The following MTUS2 variants were observed in gnomAD, a reference collection of about 807,000 sequenced individuals.
MTUS2 encodes microtubule-associated tumor suppressor candidate 2.
MTUS2 carries 40 observed loss-of-function variants against 114.1 expected under a neutral mutation model. The observed-to-expected ratio is 0.35, with a 90% confidence interval of 0.27 to 0.46. The LOEUF is 0.46. MTUS2 is among the 20% of genes least tolerant of loss of function. The pLI is 1.00. For missense variants in MTUS2, 1,679 were observed against 1,705.4 expected, an observed-to-expected ratio of 0.98 and a Z score of 0.27; for synonymous variants, 688 against 672.0, an observed-to-expected ratio of 1.02 and a Z score of -0.37.
chr13:29,142,005 A>G (rs762232171), intron 5 of MTUS2, among the ~76,000 whole-genome samples: 1 of 151,700 alleles, frequency 6.6e-6, no homozygotes, highest in African/African-American at 2.4e-5. Flanking sequence ...GACTACAGGC[A>G]CCCACCACCA....
intron 2 of MTUS2, among the ~76,000 whole-genome samples, chr13:28,880,056 T>G (rs752533320): frequency 6.6e-6 from 1 of 152,226 alleles, no homozygotes; most frequent in Admixed American, 6.5e-5. Context: ...ACCATTTCAT[T>G]ACGTATCTTG....
chr13:29,156,612 C>T (rs959537535), intron 5 of MTUS2, among the ~76,000 whole-genome samples: 3 of 152,098 alleles, frequency 2.0e-5, no homozygotes, highest in Admixed American at 6.6e-5. Context: ...GAGCTTCTTT[C>T]GTCAAATTGT....
At chr13:28,927,491 A>G (rs755939832) in intron 2 of MTUS2, among the ~76,000 whole-genome samples, 24 of 152,198 alleles carry the variant, frequency 1.6e-4, no homozygotes, top group Non-Finnish European at 3.4e-4. Flanking sequence ...TCTTGAGTCC[A>G]GGAGTTGGAG....
At chr13:28,948,418 A>C (rs1035141904) in intron 2 of MTUS2, among the ~76,000 whole-genome samples, 7 of 152,180 alleles carry the variant, frequency 4.6e-5, no homozygotes, top group Admixed American at 2.6e-4. Context: ...ATAATCCTTT[A>C]GGGCTGCTAA....
chr13:29,070,057 G>A (rs1486908876), intron 4 of MTUS2, among the ~76,000 whole-genome samples: 4 of 152,188 alleles, frequency 2.6e-5, no homozygotes, highest in African/African-American at 9.7e-5. Context: ...GGACAGTACT[G>A]AGTGATTTGG....
intron 7 of MTUS2, among the ~76,000 whole-genome samples, chr13:29,348,744 A>G (rs1172280697): frequency 2.0e-5 from 3 of 152,224 alleles, no homozygotes; most frequent in Admixed American, 2.0e-4. Flanking sequence ...TCTGTAAGGT[A>G]TATAAAGTTT....
chr13:28,868,981 G>A (rs1877463586), intron 2 of MTUS2, among the ~76,000 whole-genome samples: 1 of 152,078 alleles, frequency 6.6e-6, no homozygotes, highest in Admixed American at 6.5e-5. Context: ...TTTACTCTTA[G>A]GTGCAAGCAC....
intron 5 of MTUS2, among the ~76,000 whole-genome samples, chr13:29,257,003 C>T (rs1018766567): frequency 2.6e-5 from 4 of 152,320 alleles, no homozygotes; most frequent in Middle Eastern, 3.4e-3. Context: ...AGGTGGACCT[C>T]GGTATTCTTT....
At chr13:28,938,795 C>T (rs573575673) in intron 2 of MTUS2, among the ~76,000 whole-genome samples, 9 of 152,202 alleles carry the variant, frequency 5.9e-5, no homozygotes, top group African/African-American at 1.2e-4. Context: ...TTAAGTGCTT[C>T]GGGCGTACTG....
chr13:29,264,824 G>T (rs34121185), intron 5 of MTUS2, among the ~76,000 whole-genome samples: 3 of 152,194 alleles, frequency 2.0e-5, no homozygotes, highest in Non-Finnish European at 4.4e-5. Flanking sequence ...CATTCTTCCC[G>T]CCTAGGCCTC....
rs146415431 is a variant in MTUS2, at chr13:29,350,902, T to G, written c.2906-8360T>G. 6.4e-3 allele frequency among the ~76,000 whole-genome samples: 955 copies of G among 149,884 alleles called. 10 individuals are homozygous for G. The highest frequency in any genetic ancestry group is 0.023 in the African/African-American group (918 of 40,724). ...GCCCCACTCTTGGGACCTAATCACTTCCCAAAGGCCCCACTTACAGATGTC... is the reference window on the plus strand; with the variant it reads ...GCCCCACTCTTGGGACCTAATCACTGCCCAAAGGCCCCACTTACAGATGTC... On this transcript the variant is annotated intron_variant, in intron 7 of 15. Transcript: ENST00000612955.
chr13:28,878,361 T>C (rs1409398007), intron 2 of MTUS2, among the ~76,000 whole-genome samples: 1 of 152,112 alleles, frequency 6.6e-6, no homozygotes, highest in Non-Finnish European at 1.5e-5. Flanking sequence ...CTGGGGTACA[T>C]GTGCAGTATG....
chr13:29,439,302 C>T (rs1381792714), intron 8 of MTUS2, among the ~76,000 whole-genome samples: 1 of 152,160 alleles, frequency 6.6e-6, no homozygotes, highest in Non-Finnish European at 1.5e-5. Flanking sequence ...TACTTTATAT[C>T]AGAGGATGTA....
At chr13:28,841,321 T>C (rs910200187) in intron 2 of MTUS2, among the ~76,000 whole-genome samples, 1 of 152,138 alleles carries the variant, frequency 6.6e-6, no homozygotes, top group African/African-American at 2.4e-5. Flanking sequence ...GGAAAGTTAT[T>C]GAGGAAATTA....
intron 7 of MTUS2, among the ~76,000 whole-genome samples, chr13:29,335,570 G>C (rs944082782): frequency 1.3e-5 from 2 of 152,038 alleles, no homozygotes; most frequent in South Asian, 2.1e-4. Flanking sequence ...TTGCGGCTTG[G>C]GGGGCATCAT....
chr13:28,964,915 T>A (rs1303191450), intron 2 of MTUS2, among the ~76,000 whole-genome samples: 2 of 151,740 alleles, frequency 1.3e-5, no homozygotes, highest in Non-Finnish European at 2.9e-5. Context: ...TGCATGTATA[T>A]CTGATAGTCC....
In MTUS2 at chr13:29,216,208, A is replaced by G. The variant is rs535693103; in HGVS notation, c.2645-65496A>G. On this transcript the variant is annotated intron_variant, in intron 5 of 15. Transcript: ENST00000612955. ...GGAAACTGCCTACTCAGGTTTCAGT[A>G]ATGGCGGATGTCCCTTCCTTCATCA... is the stretch of plus-strand genomic sequence containing the variant. Among the ~76,000 whole-genome samples, 83 of 152,314 alleles carry G rather than the reference A, an allele frequency of 5.4e-4. No homozygotes were observed. The South Asian group carries it at 0.017, about 32-fold the overall frequency.
chr13:28,875,345 T>C (rs546464338), intron 2 of MTUS2, among the ~76,000 whole-genome samples: 2 of 152,318 alleles, frequency 1.3e-5, no homozygotes, highest in East Asian at 1.9e-4. Flanking sequence ...TCAGTAAAAA[T>C]GTGTTAAATG....
chr13:29,456,645 A>T (rs968353536), intron 9 of MTUS2, among the ~76,000 whole-genome samples: 1 of 152,208 alleles, frequency 6.6e-6, no homozygotes, highest in African/African-American at 2.4e-5. Flanking sequence ...GGGAACAAGG[A>T]TGTAAATGAC....
Sources: gnomAD v4.1 joint callset for allele counts (sites outside exome capture counted in the v4.1 genomes callset) on GRCh38, gnomAD v4.1.1 for gene constraint, MANE v1.5 for transcripts, NCBI Gene and HGNC (gene_info 2026-07-23, HGNC 2026-07-21) for gene names.